The following FHIT variants were observed in gnomAD, a reference collection of about 807,000 sequenced individuals.
FHIT encodes bis(5'-adenosyl)-triphosphatase.
Under a neutral mutation model 17.9 loss-of-function variants are expected in FHIT, and 19 were observed. That is an observed-to-expected ratio of 1.06 (90% CI 0.74 to 1.56). FHIT has a LOEUF of 1.56. Ranked by LOEUF, FHIT falls within the 40% of genes most tolerant of loss-of-function variation. The pLI is 0.00. For synonymous variants in FHIT, 81 were observed against 69.7 expected, an observed-to-expected ratio of 1.16 and a Z score of -0.81; for missense variants, 248 against 189.2, an observed-to-expected ratio of 1.31 and a Z score of -1.82.
chr3:61,014,780 A>AT (rs2031993976), intron 3 of FHIT, among the ~76,000 whole-genome samples: 1 of 78,292 alleles, frequency 1.3e-5, no homozygotes, highest in African/African-American at 6.0e-5. Flanking sequence ...ACTCTGCCTC[A>AT]AAAAAAAAAA....
At chr3:61,213,655 C>T (rs1054744342) in intron 1 of FHIT, among the ~76,000 whole-genome samples, 9 of 152,180 alleles carry the variant, frequency 5.9e-5, no homozygotes, top group Non-Finnish European at 1.3e-4. Context: ...ACCAAGCAGA[C>T]CTAATAGACA....
chr3:60,750,204 G>A (rs551785202), intron 4 of FHIT, among the ~76,000 whole-genome samples: 8 of 152,202 alleles, frequency 5.3e-5, no homozygotes, highest in South Asian at 2.1e-4. Context: ...AATGGGGACC[G>A]AGAAGAGGCC....
chr3:60,179,132 T>C (rs772755493), intron 5 of FHIT, among the ~76,000 whole-genome samples: 3 of 152,226 alleles, frequency 2.0e-5, no homozygotes, highest in Non-Finnish European at 2.9e-5. Flanking sequence ...TGGTATTTAT[T>C]GCTACCTACC....
At chr3:61,205,093 T>A (rs1482856235) in intron 1 of FHIT, among the ~76,000 whole-genome samples, 1 of 151,618 alleles carries the variant, frequency 6.6e-6, no homozygotes, top group Non-Finnish European at 1.5e-5. Context: ...GTCCTTGTGA[T>A]AGTTTGCAGA....
At chr3:61,202,024 A>G (rs1220835489) in intron 1 of FHIT, among the ~76,000 whole-genome samples, 1 of 152,090 alleles carries the variant, frequency 6.6e-6, no homozygotes, top group African/African-American at 2.4e-5. Flanking sequence ...ATATACATAC[A>G]CATGTGTATA....
intron 5 of FHIT, among the ~76,000 whole-genome samples, chr3:60,070,023 T>G (rs1702696063): frequency 1.3e-5 from 2 of 152,204 alleles, no homozygotes; most frequent in South Asian, 2.1e-4. Flanking sequence ...CAGGCTGGTA[T>G]AGGGATCCCC....
intron 3 of FHIT, among the ~76,000 whole-genome samples, chr3:60,941,494 T>C (rs1708404618): frequency 6.6e-6 from 1 of 152,234 alleles, no homozygotes; most frequent in Non-Finnish European, 1.5e-5. Flanking sequence ...AAGGGATGGA[T>C]ACGGAGGTCC....
At chr3:60,844,914 A>C (rs1232760687) in intron 3 of FHIT, among the ~76,000 whole-genome samples, 1 of 152,064 alleles carries the variant, frequency 6.6e-6, no homozygotes, top group Non-Finnish European at 1.5e-5. Flanking sequence ...CTGAGGGTGC[A>C]TATTTATTCA....
At chr3:60,009,670 C>T (rs1291079947) in intron 7 of FHIT, among the ~76,000 whole-genome samples, 1 of 152,110 alleles carries the variant, frequency 6.6e-6, no homozygotes, top group Admixed American at 6.5e-5. Flanking sequence ...ATAAAATTCA[C>T]CATTTTAAAA....
At chr3:61,165,417 G>T (rs547387417) in intron 2 of FHIT, among the ~76,000 whole-genome samples, 8 of 152,260 alleles carry the variant, frequency 5.3e-5, no homozygotes, top group South Asian at 2.1e-4. Flanking sequence ...TCATATGTTT[G>T]TTGGCCACTT....
At chr3:60,464,035 A>C (rs1377613789) in intron 5 of FHIT, among the ~76,000 whole-genome samples, 2 of 152,166 alleles carry the variant, frequency 1.3e-5, no homozygotes, top group Non-Finnish European at 2.9e-5. Context: ...ACAGTTTGGA[A>C]TCATCATCAT....
chr3:60,606,782 A>G (rs9841152), intron 4 of FHIT, among the ~76,000 whole-genome samples: 3,914 of 152,192 alleles, frequency 0.026, 166 homozygotes, highest in African/African-American at 0.089. Context: ...CATTGCTGTA[A>G]TGGCTTCTTA....
intron 5 of FHIT, among the ~76,000 whole-genome samples, chr3:60,062,733 G>A (rs1363414998): frequency 6.6e-6 from 1 of 152,174 alleles, no homozygotes; most frequent in Non-Finnish European, 1.5e-5. Context: ...GACCTAACAT[G>A]AATTTTTGGA....
intron 3 of FHIT, among the ~76,000 whole-genome samples, chr3:61,021,414 A>G (rs1292047994): frequency 2.1e-5 from 3 of 144,468 alleles, no homozygotes; most frequent in Non-Finnish European, 4.6e-5. Flanking sequence ...CCCAGCTAAA[A>G]CGGTGAAACC....
At chr3:60,241,115 G>T (rs1440799062) in intron 5 of FHIT, among the ~76,000 whole-genome samples, 1 of 152,102 alleles carries the variant, frequency 6.6e-6, no homozygotes, top group African/African-American at 2.4e-5. Context: ...GTGGAATGGG[G>T]AATCACTTCA....
intron 5 of FHIT, among the ~76,000 whole-genome samples, chr3:60,451,991 CCAATTGATGT>C (rs1277304100): frequency 6.6e-6 from 1 of 152,134 alleles, no homozygotes; most frequent in Non-Finnish European, 1.5e-5. Flanking sequence ...GGGCCTAACT[CCAATTGATGT>C]CTCAAGACTT....
At chr3:60,970,393 GTCT>G (rs1387019021) in intron 3 of FHIT, among the ~76,000 whole-genome samples, 1 of 152,026 alleles carries the variant, frequency 6.6e-6, no homozygotes, top group African/African-American at 2.4e-5. Context: ...GCTTATAGTT[GTCT>G]TGTTTTAATA....
At chr3:61,128,163 A>G (rs2036664695) in intron 2 of FHIT, among the ~76,000 whole-genome samples, 1 of 152,214 alleles carries the variant, frequency 6.6e-6, no homozygotes, top group Non-Finnish European at 1.5e-5. Context: ...AACATAAACA[A>G]TAATGAAAAA....
intron 5 of FHIT, among the ~76,000 whole-genome samples, chr3:60,441,286 G>A (rs1263215141): frequency 2.0e-5 from 3 of 152,018 alleles, no homozygotes; most frequent in African/African-American, 7.2e-5. Flanking sequence ...GTTTGACCAT[G>A]TCAATGCAGG....
Sources: allele counts gnomAD v4.1 joint callset (sites outside exome capture counted in the v4.1 genomes callset), GRCh38; gene constraint gnomAD v4.1.1; transcripts MANE v1.5; gene names NCBI Gene and HGNC (gene_info 2026-07-23, HGNC 2026-07-21).